Variants in AHCYL1 observed in about 807,000 individuals in gnomAD.
AHCYL1 encodes adenosylhomocysteinase like 1, also known as S-adenosylhomocysteine hydrolase-like protein 1.
A neutral mutation model predicts 79.3 loss-of-function variants in AHCYL1; 20 were observed. The observed-to-expected ratio is 0.25, with a 90% confidence interval of 0.18 to 0.37. The LOEUF (loss-of-function observed/expected upper bound fraction) is 0.37. AHCYL1 is among the 10% of genes least tolerant of loss of function. The pLI is 1.00. For synonymous variants in AHCYL1, 223 were observed against 242.2 expected (o/e 0.92, Z 0.74); for missense variants, 330 against 673.6 (o/e 0.49, Z 5.65).
chr1:110,008,986 A>G (rs1307754565), intron 1 of AHCYL1, 48 bp from the exon 2 acceptor site: 1 of 1,442,062 alleles, frequency 6.9e-7, no homozygotes, highest in East Asian at 2.3e-5. Context: ...AAAACATTTC[A>G]TGGATTTTCC....
chr1:110,014,968 T>C (rs1443427895), intron 6 of AHCYL1, 111 bp downstream of exon 6: 9 of 1,016,546 alleles, frequency 8.9e-6, no homozygotes, highest in Non-Finnish European at 1.3e-5. Context: ...GCACTGACTT[T>C]GTTGCTAAAG....
In AHCYL1 at chr1:110,015,421, A is replaced by G. The variant is rs199628026; in HGVS notation, c.676-4A>G. On this transcript the variant is annotated splice_region_variant and splice_polypyrimidine_tract_variant and intron_variant, in intron 6 of 16. Coordinates refer to ENST00000369799, the MANE Select transcript of AHCYL1 (RefSeq NM_006621.7). ...CCCATAGAAGTCTTCTGGCTGTTCT[A>G]TAGATCCTGGATGATGGGGGAGACT... 1.8e-4 allele frequency: 295 copies of G among 1,613,154 alleles called. 2 individuals carry two copies. The South Asian group carries it at 2.7e-3, about 15-fold the overall frequency.
At chr1:109,996,983 G>C (rs954442652) in intron 1 of AHCYL1, among the ~76,000 whole-genome samples, 1 of 152,230 alleles carries the variant, frequency 6.6e-6, no homozygotes, top group Non-Finnish European at 1.5e-5. Flanking sequence ...CTCCTCGCCA[G>C]ACTGGGTTGT....
intron 12 of AHCYL1, 23 bp from the exon 13 acceptor site, chr1:110,018,529 C>G: frequency 6.2e-7 from 1 of 1,613,992 alleles, no homozygotes; most frequent in Non-Finnish European, 8.5e-7. Context: ...TAACCATAGT[C>G]AACTGTGCTT....
rs756767096 is a variant in AHCYL1 at position 110,019,577 on chromosome 1, A to C, written c.1416A>C (p.Ala472=). 6.2e-7 allele frequency: 1 copy of C among 1,613,008 alleles called. No homozygotes were observed. ...QALALIELYN[A]PEGRYKQDVY... ...TGGCACTGATAGAACTCTATAATGC[A>C]CCCGAGGGGCGATACAAGCAGGATG... The change falls in exon 15 of 17, where the codon GCA becomes GCC. Residue 472 remains alanine, a synonymous_variant. Coordinates refer to ENST00000369799, the MANE Select transcript of AHCYL1 (RefSeq NM_006621.7).
chr1:110,009,207 T>G (rs1650862744), intron 2 of AHCYL1, 62 bp downstream of exon 2: 10 of 1,421,712 alleles, frequency 7.0e-6, no homozygotes, highest in Non-Finnish European at 9.8e-6. Context: ...ACCAGTGCTC[T>G]TCACTTAGCA....
At chr1:109,986,764 T>A (rs1159369702) in intron 1 of AHCYL1, among the ~76,000 whole-genome samples, 1 of 152,218 alleles carries the variant, frequency 6.6e-6, no homozygotes, top group African/African-American at 2.4e-5. Flanking sequence ...AAAAACTCAT[T>A]AAGGCAGGGA....
In AHCYL1 at chr1:110,013,100, A is replaced by C. The variant is rs561677186; in HGVS notation, c.580+101A>C. ...TCATTACAATATCATATATGTCTAG[A>C]GGCTATAAAATTGTGCATGATAAAA... On this transcript the variant is annotated intron_variant, in intron 5 of 16. Coordinates refer to ENST00000369799, the MANE Select transcript of AHCYL1 (RefSeq NM_006621.7). The C allele has an allele frequency of 2.3e-5, 19 of 831,062 alleles. No individual in the cohort carries two copies. The African/African-American group carries it at 2.4e-4, about 11-fold the overall frequency. The allele number at this position is 831,062 out of a possible 1,614,324, so 51.5% of individuals were successfully genotyped here. A position where few individuals can be genotyped will look rare whatever the true frequency, so the allele number is the denominator to read the frequency against.
intron 1 of AHCYL1, 71 bp from the exon 2 acceptor site, chr1:110,008,963 A>C: frequency 8.1e-7 from 1 of 1,228,256 alleles, no homozygotes; most frequent in East Asian, 2.5e-5. Context: ...AAGACAATGT[A>C]TCCTTAAAAA....
At chr1:110,018,305 A>G (rs1570892443) in intron 11 of AHCYL1, 68 bp from the exon 12 acceptor site, 8 of 1,488,166 alleles carry the variant, frequency 5.4e-6, no homozygotes, top group Non-Finnish European at 7.5e-6. Flanking sequence ...CCTATGTTCT[A>G]CCTGAAAGCC....
chr1:110,019,269 A>G (rs1236237520), intron 14 of AHCYL1, 150 bp downstream of exon 14: 19 of 833,048 alleles, frequency 2.3e-5, no homozygotes, highest in Non-Finnish European at 3.2e-5. Flanking sequence ...TAAGTATAGA[A>G]AAGAGTCACT....
intron 4 of AHCYL1, among the ~76,000 whole-genome samples, 157 bp from the exon 5 acceptor site, chr1:110,012,740 C>T (rs555697950): frequency 6.6e-5 from 10 of 152,280 alleles, no homozygotes; most frequent in Admixed American, 3.9e-4. Flanking sequence ...AAGTTAAATA[C>T]CAGTGCACCA....
intron 7 of AHCYL1, 123 bp downstream of exon 7, chr1:110,015,654 A>ACTT: frequency 2.7e-6 from 2 of 733,988 alleles, no homozygotes; most frequent in Non-Finnish European, 4.4e-6. Flanking sequence ...ATTAGATAAA[A>ACTT]TTTTGAGTTT....
chr1:109,996,321 T>C (rs960567922), intron 1 of AHCYL1, among the ~76,000 whole-genome samples: 5 of 152,236 alleles, frequency 3.3e-5, no homozygotes, highest in African/African-American at 1.2e-4. Context: ...AGTCTACCGT[T>C]GCTCTTTTTC....
intron 1 of AHCYL1, among the ~76,000 whole-genome samples, chr1:109,990,415 C>G (rs919043128): frequency 3.3e-5 from 5 of 152,162 alleles, no homozygotes; most frequent in Non-Finnish European, 5.9e-5. Context: ...TCCTAGCATG[C>G]AGTCCAAGGA....
intron 1 of AHCYL1, among the ~76,000 whole-genome samples, chr1:109,996,633 TTTG>T (rs897114774): frequency 1.3e-5 from 2 of 152,204 alleles, no homozygotes; most frequent in African/African-American, 2.4e-5. Flanking sequence ...CTTAGGCAAT[TTTG>T]TTGTTGTGCA....
At chr1:110,004,230 A>C (rs1419589893) in intron 1 of AHCYL1, 4 of 985,514 alleles carry the variant, frequency 4.1e-6, no homozygotes, top group Non-Finnish European at 4.8e-6. Context: ...ATGTGCTGAG[A>C]TTAGTCAGCC....
rs1321138972 is a variant in AHCYL1 at position 110,023,607 on chromosome 1, G to C, written c.*1927G>C. ...CACTGTTAAAAAAAAAAAAAAGTCT[G>C]GCATCAGAGGGAGCATGTGGAGAGC... On this transcript the variant is annotated 3_prime_UTR_variant, in exon 17 of 17. Coordinates refer to ENST00000369799, the MANE Select transcript of AHCYL1 (RefSeq NM_006621.7). 2.0e-5 allele frequency: 3 copies of C among 152,330 alleles called. No individual in the cohort carries two copies. Among genetic ancestry groups the C allele is most frequent in the African/African-American group, 7.3e-5 (3 of 41,280 alleles). 9.4% of individuals were successfully genotyped at this position (152,330 alleles called of 1,614,324 possible).
At chr1:109,994,172 C>T (rs1413734483) in intron 1 of AHCYL1, among the ~76,000 whole-genome samples, 1 of 152,180 alleles carries the variant, frequency 6.6e-6, no homozygotes, top group Non-Finnish European at 1.5e-5. Context: ...CTAGTTGGCA[C>T]TACATTTTGT....
Sources: gnomAD v4.1 joint callset for allele counts (sites outside exome capture counted in the v4.1 genomes callset) on GRCh38, gnomAD v4.1.1 for gene constraint, MANE v1.5 for transcripts, NCBI Gene and HGNC (gene_info 2026-07-23, HGNC 2026-07-21) for gene names.